PHF24: variants seen among roughly 807,000 people sequenced by gnomAD.
PHF24 encodes the protein PHD finger protein 24, also known as Galpha inhibitory interacting protein.
In PHF24, 25 loss-of-function variants were observed where a neutral mutation model predicts 42.6. That is an observed-to-expected ratio of 0.59 (90% CI 0.43 to 0.82). The LOEUF is 0.82. Ranked by LOEUF, PHF24 falls within the 40% of genes least tolerant of loss-of-function variation. The probability of loss-of-function intolerance (pLI) is 0.00; values close to 1 mark genes in which losing one functional copy is unlikely to be tolerated. For missense variants in PHF24, 470 were observed against 538.1 expected (o/e 0.87, Z 1.25); for synonymous variants, 185 against 204.8 (o/e 0.90, Z 0.83).
chr9:34,917,163 A>C, the PHF24 span: 1 of 1,332,510 alleles, frequency 7.5e-7, no homozygotes, highest in East Asian at 2.3e-5. Context: ...GGCACCCAGA[A>C]CACCTTCCAC....
chr9:34,948,752 C>T, the PHF24 span, among the ~76,000 whole-genome samples: 2 of 152,148 alleles, frequency 1.3e-5, no homozygotes, highest in Admixed American at 1.3e-4. Flanking sequence ...TGTTAAGCAA[C>T]ACACGACTGT....
the PHF24 span, among the ~76,000 whole-genome samples, chr9:34,747,842 T>G: frequency 6.6e-6 from 1 of 152,122 alleles, no homozygotes; most frequent in African/African-American, 2.4e-5. Flanking sequence ...AAAAGACATA[T>G]ATTTGAAAGT....
At chr9:34,977,991 C>T (rs370522600) in intron 7 of PHF24, 24 bp from the exon 8 acceptor site, 1 of 1,582,008 alleles carries the variant, frequency 6.3e-7, no homozygotes, top group African/African-American at 1.3e-5. Flanking sequence ...AGCCTCACGA[C>T]TCTGTTCTTT....
chr9:34,726,455 G>A, the PHF24 span: 1 of 1,551,388 alleles, frequency 6.4e-7, no homozygotes, highest in Non-Finnish European at 8.7e-7. Context: ...TGGGTTCAGG[G>A]ACAGCAAGGA....
At chr9:34,854,962 G>A in the PHF24 span, among the ~76,000 whole-genome samples, 1 of 152,204 alleles carries the variant, frequency 6.6e-6, no homozygotes, top group Non-Finnish European at 1.5e-5. Context: ...GAGTGCTCCT[G>A]TATTGGTGTA....
the PHF24 span, among the ~76,000 whole-genome samples, chr9:34,702,786 G>A: frequency 6.6e-6 from 1 of 152,120 alleles, no homozygotes; most frequent in Non-Finnish European, 1.5e-5. Context: ...CTCCAGCCTG[G>A]GCAACAGAGT....
At chr9:34,803,008 T>TGC in the PHF24 span, among the ~76,000 whole-genome samples, 1 of 152,142 alleles carries the variant, frequency 6.6e-6, no homozygotes, top group East Asian at 1.9e-4. Context: ...ACTCTCTCAG[T>TGC]GTGCTTCCTT....
the PHF24 span, among the ~76,000 whole-genome samples, chr9:34,797,948 G>A: frequency 6.6e-6 from 1 of 152,084 alleles, no homozygotes; most frequent in African/African-American, 2.4e-5. Flanking sequence ...TTTCGTATCA[G>A]TATGATATTG....
chr9:34,885,483 C>G, the PHF24 span, among the ~76,000 whole-genome samples: 1 of 152,176 alleles, frequency 6.6e-6, no homozygotes, highest in East Asian at 1.9e-4. Flanking sequence ...TCACTTCTTG[C>G]CCTTTCTTCA....
the PHF24 span, chr9:34,728,616 T>G: frequency 5.8e-6 from 9 of 1,550,720 alleles, no homozygotes; most frequent in Non-Finnish European, 7.8e-6. Flanking sequence ...TACCTGTTGA[T>G]GCTGCATCTC....
chr9:34,912,112 GC>G, the PHF24 span, among the ~76,000 whole-genome samples: 89 of 152,244 alleles, frequency 5.8e-4, 1 homozygote, highest in African/African-American at 2.0e-3. Context: ...CCCAAGACCA[GC>G]CCTGGTCATA....
At chr9:34,877,715 G>A in the PHF24 span, among the ~76,000 whole-genome samples, 1 of 152,048 alleles carries the variant, frequency 6.6e-6, no homozygotes, top group South Asian at 2.1e-4. Context: ...GGACTGAATA[G>A]GTAGAACACA....
the PHF24 span, among the ~76,000 whole-genome samples, chr9:34,756,109 C>G: frequency 6.6e-6 from 1 of 151,968 alleles, no homozygotes; most frequent in African/African-American, 2.4e-5. Context: ...ATCTCTTTCT[C>G]TCTTTCTTTC....
the PHF24 span, among the ~76,000 whole-genome samples, chr9:34,878,370 G>A: frequency 1.2e-4 from 19 of 152,296 alleles, no homozygotes; most frequent in African/African-American, 4.3e-4. Context: ...AGGGCTTGTC[G>A]GACAGTGGGT....
chr9:34,912,391 G>C, the PHF24 span, among the ~76,000 whole-genome samples: 2 of 152,106 alleles, frequency 1.3e-5, no homozygotes, highest in African/African-American at 4.8e-5. Context: ...TGGTAAAAAG[G>C]GGCTCCTGAG....
the PHF24 span, among the ~76,000 whole-genome samples, chr9:34,738,482 C>G: frequency 2.0e-5 from 3 of 152,138 alleles, no homozygotes; most frequent in Non-Finnish European, 4.4e-5. Flanking sequence ...TCCTGAGTAG[C>G]TGGGATTACA....
the PHF24 span, among the ~76,000 whole-genome samples, chr9:34,750,491 A>AAAATAAAT: frequency 3.5e-5 from 5 of 142,156 alleles, no homozygotes; most frequent in East Asian, 2.1e-4. Context: ...CTCTATCTCA[A>AAAATAAAT]AAATAAATAA....
chr9:34,948,041 G>A, the PHF24 span, among the ~76,000 whole-genome samples: 14 of 151,566 alleles, frequency 9.2e-5, no homozygotes, highest in African/African-American at 3.4e-4. Context: ...CCCGGGGGGC[G>A]GAGCTTGCAG....
exon 5 of PHF24, chr9:34,976,735 C>G (rs1827202431): frequency 1.2e-6 from 2 of 1,612,970 alleles, no homozygotes; most frequent in African/African-American, 2.7e-5. Context: ...GCAGTTGCGT[C>G]CCCAGGTGAG....
Sources: allele counts gnomAD v4.1 joint callset (sites outside exome capture counted in the v4.1 genomes callset), GRCh38; gene constraint gnomAD v4.1.1; transcripts MANE v1.5; gene names NCBI Gene and HGNC (gene_info 2026-07-23, HGNC 2026-07-21).